The following MCC variants were observed in gnomAD, a reference collection of about 807,000 sequenced individuals.
MCC encodes the protein MCC regulator of Wnt signaling pathway.
MCC carries 90 observed loss-of-function variants against 116.2 expected under a neutral mutation model. The observed-to-expected ratio is 0.77, with a 90% CI of 0.65 to 0.92. The LOEUF is 0.92. MCC is among the 40% of genes least tolerant of loss of function. MCC has a pLI of 0.00. For missense variants in MCC, 1,516 were observed against 1,312.2 expected (o/e 1.16, Z -2.40); for synonymous variants, 578 against 510.5 (o/e 1.13, Z -1.78).
In MCC at chr5:113,374,915, C is replaced by T. The variant is rs558713607; in HGVS notation, c.415+10053G>A. 2.7e-5 allele frequency among the ~76,000 whole-genome samples: 4 copies of T among 149,078 alleles called. No individual in the cohort carries two copies. In the South Asian group the frequency reaches 8.4e-4, roughly 31 times the overall value. ...GCTGAGGTGGGAGGATGGCTTGAGT[C>T]CAGGAGGTCAAGGCTGCAGTGAGCC... On this transcript the variant is annotated intron_variant, in intron 2 of 18. Transcript: ENST00000408903.
intron 3 of MCC, among the ~76,000 whole-genome samples, chr5:113,253,241 A>T (rs1410945513): frequency 6.6e-6 from 1 of 152,182 alleles, no homozygotes; most frequent in African/African-American, 2.4e-5. Flanking sequence ...GATTAGACGT[A>T]CAGAAACTGA....
At chr5:113,183,959 A>G (rs1761760167) in intron 3 of MCC, among the ~76,000 whole-genome samples, 1 of 151,970 alleles carries the variant, frequency 6.6e-6, no homozygotes, top group African/African-American at 2.4e-5. Flanking sequence ...TGCAAACTGA[A>G]GCCCAAAGAG....
At chr5:113,050,711 A>T (rs1461519585) in intron 15 of MCC, among the ~76,000 whole-genome samples, 1 of 152,250 alleles carries the variant, frequency 6.6e-6, no homozygotes. Context: ...CAGAACAAAC[A>T]TATAAGTGCA....
At chr5:113,259,749 T>A (rs1407672466) in intron 3 of MCC, among the ~76,000 whole-genome samples, 1 of 152,062 alleles carries the variant, frequency 6.6e-6, no homozygotes, top group Non-Finnish European at 1.5e-5. Context: ...TGGGAGTTAT[T>A]TATATACTAC....
intron 1 of MCC, among the ~76,000 whole-genome samples, chr5:113,440,705 T>C (rs1771011834): frequency 1.3e-5 from 2 of 152,000 alleles, no homozygotes. Flanking sequence ...GTCTATATCC[T>C]TTAAGGGAAC....
At chr5:113,427,997 C>T (rs529524012) in intron 1 of MCC, among the ~76,000 whole-genome samples, 3 of 152,182 alleles carry the variant, frequency 2.0e-5, no homozygotes, top group Non-Finnish European at 4.4e-5. Context: ...CCAGGCTTGT[C>T]TGAAACTTGC....
intron 1 of MCC, among the ~76,000 whole-genome samples, chr5:113,454,455 C>T (rs1771486309): frequency 6.6e-6 from 1 of 151,984 alleles, no homozygotes; most frequent in South Asian, 2.1e-4. Flanking sequence ...AATTGAGAGC[C>T]CAAGGCAGAT....
chr5:113,303,748 G>A (rs930794250), intron 3 of MCC, among the ~76,000 whole-genome samples: 1 of 152,120 alleles, frequency 6.6e-6, no homozygotes, highest in African/African-American at 2.4e-5. Context: ...CACCTCCCAG[G>A]TTCAAGTGAT....
chr5:113,092,757 C>T (rs1258946592), intron 8 of MCC, among the ~76,000 whole-genome samples: 4 of 152,138 alleles, frequency 2.6e-5, no homozygotes, highest in South Asian at 2.1e-4. Flanking sequence ...TGCTGTTGGG[C>T]GGATGGGCTG....
In MCC at chr5:113,143,407, T is replaced by C. The variant is rs1264445295; in HGVS notation, c.742-47A>G. 11 of 1,603,350 alleles carry C rather than the reference T, an allele frequency of 6.9e-6. No homozygotes were observed. In the Admixed American group the frequency reaches 1.7e-4, roughly 25 times the overall value. On this transcript the variant is annotated intron_variant, in intron 4 of 18. Transcript: ENST00000408903. Reference sequence around the variant, plus strand: ...AGAAGTGCTGATGAATTCATGCACCTACAGGTGGATGATTCCAAGCTTTGT... The same window carrying C: ...AGAAGTGCTGATGAATTCATGCACCCACAGGTGGATGATTCCAAGCTTTGT...
intron 3 of MCC, among the ~76,000 whole-genome samples, chr5:113,315,384 G>A (rs1490230580): frequency 6.6e-6 from 1 of 152,038 alleles, no homozygotes; most frequent in Non-Finnish European, 1.5e-5. Context: ...ATAAGTTATA[G>A]GTATTAGATT....
At chr5:113,093,272 G>A (rs1013549897) in intron 8 of MCC, among the ~76,000 whole-genome samples, 2 of 152,140 alleles carry the variant, frequency 1.3e-5, no homozygotes, top group African/African-American at 4.8e-5. Flanking sequence ...TGTCCTGAGT[G>A]CCAAATTACA....
At position 113,064,268 on chromosome 5, in the gene MCC, G is replaced by T. The variant is rs1024509254; in HGVS notation, c.2030-101C>A. The T allele has an allele frequency of 5.3e-6, 6 of 1,129,916 alleles. No homozygotes were observed. The South Asian group carries it at 6.2e-5, about 12-fold the overall frequency. The allele number at this position is 1,129,916 out of a possible 1,614,324, so 70.0% of individuals were successfully genotyped here. A position where few individuals can be genotyped will look rare whatever the true frequency, so the allele number is the denominator to read the frequency against. On this transcript the variant is annotated intron_variant, in intron 13 of 18. Transcript: ENST00000408903. ...TAACTCTGTTACTTAGGGCAGAGGT[G>T]GCACTGTGGAAGGGAATTGGCAGTG... is the stretch of plus-strand genomic sequence containing the variant.
chr5:113,126,138 C>T (rs1329767330), intron 5 of MCC, among the ~76,000 whole-genome samples: 3 of 152,134 alleles, frequency 2.0e-5, no homozygotes, highest in African/African-American at 4.8e-5. Flanking sequence ...GAAGCATCTG[C>T]GAAGTGCTTC....
chr5:113,254,976 C>T (rs1764952197), intron 3 of MCC, among the ~76,000 whole-genome samples: 1 of 152,102 alleles, frequency 6.6e-6, no homozygotes, highest in Admixed American at 6.6e-5. Context: ...ACCAGCCTGA[C>T]CAACATGGTG....
At chr5:113,115,214 TGA>T (rs1235620728) in intron 6 of MCC, among the ~76,000 whole-genome samples, 1 of 152,160 alleles carries the variant, frequency 6.6e-6, no homozygotes, top group African/African-American at 2.4e-5. Context: ...CTTGAGGGGT[TGA>T]GAGCTGCAGC....
rs1761001043 is a variant in MCC at position 113,170,225 on chromosome 5, T to A, written c.628-18803A>T. On this transcript the variant is annotated intron_variant, in intron 3 of 18. Coordinates refer to ENST00000408903, the MANE Select transcript of MCC (RefSeq NM_001085377.2). ...TTCTTCTTTACAGCACCTACTTCTT[T>A]TAAACAAGGACAGATGGAGCCATAG... Among the ~76,000 whole-genome samples, 4 of 152,340 alleles carry A rather than the reference T, an allele frequency of 2.6e-5. 1 individual carries two copies. The South Asian group carries it at 8.3e-4, about 32-fold the overall frequency.
chr5:113,319,009 A>G (rs1193070346), intron 3 of MCC, among the ~76,000 whole-genome samples: 1 of 152,072 alleles, frequency 6.6e-6, no homozygotes, highest in Non-Finnish European at 1.5e-5. Context: ...TGGAACTACA[A>G]GACACACGCC....
chr5:113,285,208 C>A (rs912881042), intron 3 of MCC, among the ~76,000 whole-genome samples: 1 of 152,122 alleles, frequency 6.6e-6, no homozygotes, highest in Non-Finnish European at 1.5e-5. Flanking sequence ...AGGCGGGAAG[C>A]CAAAGGAGAG....
Sources: allele counts gnomAD v4.1 joint callset (sites outside exome capture counted in the v4.1 genomes callset), GRCh38; gene constraint gnomAD v4.1.1; transcripts MANE v1.5; gene names NCBI Gene and HGNC (gene_info 2026-07-23, HGNC 2026-07-21).